Variants in FAM184B observed in about 807,000 individuals in gnomAD.
The protein encoded by FAM184B is protein FAM184B.
A neutral mutation model predicts 135.9 loss-of-function variants in FAM184B; 111 were observed. The observed-to-expected ratio is 0.82, with a 90% CI of 0.70 to 0.96. The LOEUF is 0.96. FAM184B is among the 40% of genes least tolerant of loss of function. The pLI is 0.00. For synonymous variants in FAM184B, 552 were observed against 524.8 expected (o/e 1.05, Z -0.71); for missense variants, 1,375 against 1,323.9 (o/e 1.04, Z -0.60).
intron 1 of FAM184B, among the ~76,000 whole-genome samples, chr4:17,727,502 C>T (rs1717667268): frequency 6.6e-6 from 1 of 152,190 alleles, no homozygotes; most frequent in Non-Finnish European, 1.5e-5. Flanking sequence ...GTTTAATTGA[C>T]TCACAGTTCC....
chr4:17,766,389 T>C (rs1209770201), intron 1 of FAM184B, among the ~76,000 whole-genome samples: 5 of 152,224 alleles, frequency 3.3e-5, no homozygotes, highest in East Asian at 3.8e-4. Context: ...AGGGTGCTGA[T>C]TGGTGTATTT....
chr4:17,636,752 G>T, intron 14 of FAM184B, 107 bp from the exon 15 acceptor site: 1 of 965,218 alleles, frequency 1.0e-6, no homozygotes, highest in Non-Finnish European at 1.5e-6. Flanking sequence ...AGCCCGGCCA[G>T]GGAGGCCCAG....
chr4:17,650,396 G>A (rs183229412), intron 11 of FAM184B, among the ~76,000 whole-genome samples: 1 of 152,282 alleles, frequency 6.6e-6, no homozygotes, highest in Admixed American at 6.5e-5. Flanking sequence ...CCTATGATTT[G>A]TTGTCATCAC....
intron 11 of FAM184B, among the ~76,000 whole-genome samples, chr4:17,649,261 G>A (rs1038595356): frequency 1.3e-5 from 2 of 152,176 alleles, no homozygotes; most frequent in African/African-American, 2.4e-5. Flanking sequence ...TTAAGCACAT[G>A]TAAAAGCATA....
chr4:17,682,641 G>A (rs368079848), intron 7 of FAM184B, among the ~76,000 whole-genome samples: 1 of 152,132 alleles, frequency 6.6e-6, no homozygotes. Flanking sequence ...TGGGACTACA[G>A]GCGTGTGCCA....
chr4:17,672,562 A>G (rs971086795), intron 7 of FAM184B, among the ~76,000 whole-genome samples: 1 of 152,104 alleles, frequency 6.6e-6, no homozygotes. Flanking sequence ...TTGTATACCA[A>G]TTTTGCTGAG....
At chr4:17,752,758 A>G (rs776307232) in intron 1 of FAM184B, among the ~76,000 whole-genome samples, 4 of 152,238 alleles carry the variant, frequency 2.6e-5, no homozygotes, top group Non-Finnish European at 5.9e-5. Context: ...GAACTATCAA[A>G]CCGATACATA....
intron 7 of FAM184B, among the ~76,000 whole-genome samples, chr4:17,684,136 T>C (rs1339243239): frequency 6.9e-6 from 1 of 145,344 alleles, no homozygotes; most frequent in Non-Finnish European, 1.5e-5. Context: ...AAAATAATTA[T>C]ATATAAAATA....
intron 12 of FAM184B, among the ~76,000 whole-genome samples, chr4:17,644,906 G>A (rs1560166246): frequency 6.6e-6 from 1 of 152,162 alleles, no homozygotes. Context: ...CAAAATCAAT[G>A]TGCAAAAATC....
At chr4:17,685,341 G>A (rs1207612884) in intron 7 of FAM184B, among the ~76,000 whole-genome samples, 2 of 151,440 alleles carry the variant, frequency 1.3e-5, no homozygotes, top group African/African-American at 4.9e-5. Flanking sequence ...ATGAGGTCAG[G>A]AGTTCGAGAC....
At chr4:17,768,746 TA>T (rs1474122458) in intron 1 of FAM184B, among the ~76,000 whole-genome samples, 1 of 152,158 alleles carries the variant, frequency 6.6e-6, no homozygotes, top group Non-Finnish European at 1.5e-5. Flanking sequence ...GTCCACAAGA[TA>T]AGGGATTTTA....
intron 1 of FAM184B, among the ~76,000 whole-genome samples, chr4:17,760,469 C>CAA (rs371782077): frequency 4.5e-4 from 52 of 115,976 alleles, no homozygotes; most frequent in South Asian, 3.2e-3. Context: ...GACTCCATCT[C>CAA]AAAAAAAAAA....
At chr4:17,754,704 T>A (rs1269100966) in intron 1 of FAM184B, among the ~76,000 whole-genome samples, 1 of 151,998 alleles carries the variant, frequency 6.6e-6, no homozygotes, top group African/African-American at 2.4e-5. Flanking sequence ...CCTAGATACA[T>A]GTGAAACCAT....
chr4:17,756,499 G>A (rs763456935), intron 1 of FAM184B, among the ~76,000 whole-genome samples: 30 of 152,192 alleles, frequency 2.0e-4, no homozygotes, highest in East Asian at 1.9e-4. Flanking sequence ...AAAATAAACC[G>A]TAATTTTTAA....
chr4:17,731,702 G>A (rs1717779658), intron 1 of FAM184B, among the ~76,000 whole-genome samples: 1 of 152,130 alleles, frequency 6.6e-6, no homozygotes, highest in Non-Finnish European at 1.5e-5. Context: ...CCTACAAAGA[G>A]ACTTAGACTC....
At chr4:17,688,296 C>A in intron 7 of FAM184B, 128 bp downstream of exon 7, 1 of 638,116 alleles carries the variant, frequency 1.6e-6, no homozygotes, top group South Asian at 2.1e-5. Context: ...TTTTTCCGGG[C>A]ATTTTGGCAG....
chr4:17,719,399 G>A (rs1179501516), intron 1 of FAM184B, among the ~76,000 whole-genome samples: 1 of 152,124 alleles, frequency 6.6e-6, no homozygotes, highest in Non-Finnish European at 1.5e-5. Context: ...TAAAACTTAT[G>A]AATTGTTTAT....
intron 12 of FAM184B, among the ~76,000 whole-genome samples, chr4:17,645,732 C>G (rs1391173844): frequency 6.6e-6 from 1 of 151,342 alleles, no homozygotes; most frequent in Non-Finnish European, 1.5e-5. Context: ...CAAGTGGGAT[C>G]TAATTAAACT....
At chr4:17,656,622 G>A (rs1265332973) in intron 10 of FAM184B, among the ~76,000 whole-genome samples, 1 of 152,160 alleles carries the variant, frequency 6.6e-6, no homozygotes, top group Non-Finnish European at 1.5e-5. Flanking sequence ...GGCTGGTCTT[G>A]AACGCCTGGC....
Sources: allele counts gnomAD v4.1 joint callset (sites outside exome capture counted in the v4.1 genomes callset), GRCh38; gene constraint gnomAD v4.1.1; transcripts MANE v1.5; gene names NCBI Gene and HGNC (gene_info 2026-07-23, HGNC 2026-07-21).